The following STIM2 variants were observed in gnomAD, a reference collection of about 807,000 sequenced individuals.
STIM2 encodes stromal interaction molecule 2.
A neutral mutation model predicts 85.8 loss-of-function variants in STIM2; 31 were observed. The observed-to-expected ratio is 0.36, with a 90% CI of 0.27 to 0.49. The LOEUF is 0.49. Ranked by LOEUF, STIM2 falls within the 20% of genes least tolerant of loss-of-function variation. The pLI is 0.98. For missense variants in STIM2, 841 were observed against 927.6 expected (o/e 0.91, Z 1.21); for synonymous variants, 356 against 331.1 (o/e 1.08, Z -0.82).
chr4:26,977,196 G>A (rs564299079), intron 3 of STIM2, among the ~76,000 whole-genome samples: 2 of 152,182 alleles, frequency 1.3e-5, no homozygotes, highest in African/African-American at 4.8e-5. Context: ...CAAGGCTTAC[G>A]GCTGACACAA....
chr4:26,910,169 A>G (rs76288227), intron 1 of STIM2, among the ~76,000 whole-genome samples: 2,601 of 152,278 alleles, frequency 0.017, 80 homozygotes, highest in African/African-American at 0.06. Flanking sequence ...AGATGCTACA[A>G]TGTTATATAC....
At chr4:26,917,086 A>G (rs1314126772) in intron 1 of STIM2, among the ~76,000 whole-genome samples, 1 of 152,212 alleles carries the variant, frequency 6.6e-6, no homozygotes, top group African/African-American at 2.4e-5. Context: ...AAGTGGAGAA[A>G]CATGGTCCCT....
chr4:26,955,316 ATTGT>A (rs1726205782), intron 2 of STIM2, among the ~76,000 whole-genome samples: 1 of 147,610 alleles, frequency 6.8e-6, no homozygotes, highest in African/African-American at 2.6e-5. Context: ...GCACGTTTAG[ATTGT>A]TTGAGTTCAT....
At chr4:26,910,529 C>CA (rs965468648) in intron 1 of STIM2, among the ~76,000 whole-genome samples, 9 of 149,934 alleles carry the variant, frequency 6.0e-5, no homozygotes, top group East Asian at 2.0e-4. Context: ...CTCAAAAAAA[C>CA]AAAAAAACAA....
rs540834835 is a variant in STIM2, at chr4:26,996,944, G to A, written c.509+1454G>A. ...CTTTGGTTAAGTAAAGATGATCAGA[G>A]ATGCTTCCAATTCTGGTAAAATTGT... On this transcript the variant is annotated intron_variant, in intron 4 of 11. Transcript: ENST00000467087. 3.9e-5 allele frequency among the ~76,000 whole-genome samples: 6 copies of A among 152,242 alleles called. No individual in the cohort carries two copies. In the East Asian group the frequency reaches 1.2e-3, roughly 29 times the overall value.
intron 4 of STIM2, among the ~76,000 whole-genome samples, chr4:26,996,903 T>C (rs1168327413): frequency 6.6e-6 from 1 of 152,178 alleles, no homozygotes; most frequent in East Asian, 1.9e-4. Context: ...CAGTCAGTGT[T>C]ATAGCTACTC....
intron 1 of STIM2, among the ~76,000 whole-genome samples, chr4:26,918,741 C>A (rs1342556107): frequency 2.6e-5 from 4 of 152,100 alleles, no homozygotes; most frequent in Non-Finnish European, 4.4e-5. Context: ...TAATTTCCAT[C>A]AGTCATGTTA....
At chr4:27,009,059 A>G (rs1430532949) in intron 10 of STIM2, 57 bp downstream of exon 10, 14 of 1,477,734 alleles carry the variant, frequency 9.5e-6, no homozygotes, top group African/African-American at 2.8e-5. Context: ...ATTTTCTCCT[A>G]TGTCCTTTTA....
intron 1 of STIM2, among the ~76,000 whole-genome samples, chr4:26,910,136 C>T (rs1168007768): frequency 2.0e-5 from 3 of 152,114 alleles, no homozygotes; most frequent in Non-Finnish European, 4.4e-5. Flanking sequence ...TGCACCTAGT[C>T]AACTATTTTC....
intron 2 of STIM2, among the ~76,000 whole-genome samples, chr4:26,948,637 A>G (rs1725934465): frequency 6.6e-6 from 1 of 152,138 alleles, no homozygotes; most frequent in African/African-American, 2.4e-5. Flanking sequence ...ACTTCATATG[A>G]TAAGGCAGTT....
intron 3 of STIM2, among the ~76,000 whole-genome samples, chr4:26,970,199 G>GTATATATATATA (rs67648567): frequency 2.2e-5 from 2 of 91,140 alleles, no homozygotes; most frequent in African/African-American, 7.5e-5. Flanking sequence ...TAGTGTGTGT[G>GTATATATATATA]TATATATATA....
intron 3 of STIM2, among the ~76,000 whole-genome samples, chr4:26,976,520 T>C (rs1337844519): frequency 6.6e-6 from 1 of 152,028 alleles, no homozygotes; most frequent in African/African-American, 2.4e-5. Context: ...ACCTGCTTTC[T>C]TTATTTATAT....
At chr4:26,880,640 T>C (rs935069116) in intron 1 of STIM2, among the ~76,000 whole-genome samples, 2 of 147,222 alleles carry the variant, frequency 1.4e-5, no homozygotes, top group Non-Finnish European at 3.0e-5. Context: ...TATAAATATA[T>C]ATGTAAATAT....
intron 1 of STIM2, among the ~76,000 whole-genome samples, chr4:26,906,056 A>G (rs1724111565): frequency 6.6e-6 from 1 of 152,132 alleles, no homozygotes; most frequent in African/African-American, 2.4e-5. Flanking sequence ...TTTGATCATT[A>G]TTTTTTAAAA....
At chr4:26,929,950 G>A (rs1392367297) in intron 2 of STIM2, among the ~76,000 whole-genome samples, 1 of 152,142 alleles carries the variant, frequency 6.6e-6, no homozygotes, top group Non-Finnish European at 1.5e-5. Flanking sequence ...TGTATCATGT[G>A]TACAGTACTT....
intron 1 of STIM2, among the ~76,000 whole-genome samples, chr4:26,893,680 T>G (rs371725475): frequency 4.6e-5 from 7 of 152,372 alleles, no homozygotes; most frequent in Non-Finnish European, 7.3e-5. Flanking sequence ...GGTTAGGTGA[T>G]ATCAGCTTTC....
At chr4:26,994,445 T>C (rs1221480604) in intron 3 of STIM2, among the ~76,000 whole-genome samples, 1 of 151,858 alleles carries the variant, frequency 6.6e-6, no homozygotes, top group Admixed American at 6.6e-5. Flanking sequence ...TGTCATCTTA[T>C]CTACTACTAT....
chr4:26,999,434 G>T (rs532769589), intron 5 of STIM2, 87 bp downstream of exon 5: 1 of 668,748 alleles, frequency 1.5e-6, no homozygotes, highest in African/African-American at 1.9e-5. Context: ...AAATAAGATA[G>T]TAGGCCTCTA....
chr4:26,951,538 T>C (rs1726051414), intron 2 of STIM2, among the ~76,000 whole-genome samples: 1 of 152,128 alleles, frequency 6.6e-6, no homozygotes, highest in African/African-American at 2.4e-5. Flanking sequence ...TTGTGTTCAG[T>C]ATCTTGAAAA....
Sources: allele counts gnomAD v4.1 joint callset (sites outside exome capture counted in the v4.1 genomes callset), GRCh38; gene constraint gnomAD v4.1.1; transcripts MANE v1.5; gene names NCBI Gene and HGNC (gene_info 2026-07-23, HGNC 2026-07-21).